The following KDM4C variants were observed in gnomAD, a reference collection of about 807,000 sequenced individuals.
KDM4C encodes lysine demethylase 4C, also known as lysine-specific demethylase 4C.
A neutral mutation model predicts 129.3 loss-of-function variants in KDM4C; 81 were observed. The ratio of observed to expected loss-of-function variants is 0.63; its 90% CI spans 0.52 to 0.75. The LOEUF is 0.75. Among genes scored for constraint, KDM4C ranks in the 30% least tolerant of loss-of-function variants. KDM4C has a pLI of 0.00. For missense variants in KDM4C, 1,457 were observed against 1,304.0 expected, an observed-to-expected ratio of 1.12 and a Z score of -1.81; for synonymous variants, 573 against 456.1, an observed-to-expected ratio of 1.26 and a Z score of -3.26.
chr9:6,780,476 A>G lies in KDM4C; in HGVS notation c.-17-12496A>G, dbSNP rs974811085. ...AAAAACAAACCCACAAAAAAACGAAAGAGAAATTGGCCAGGTGCTGTGGCT... is the reference window on the plus strand; with the variant it reads ...AAAAACAAACCCACAAAAAAACGAAGGAGAAATTGGCCAGGTGCTGTGGCT... On this transcript the variant is annotated intron_variant, in intron 1 of 21. Coordinates refer to ENST00000381309, the MANE Select transcript of KDM4C (RefSeq NM_015061.6). Among the ~76,000 whole-genome samples, 7 of 152,014 alleles carry G rather than the reference A, an allele frequency of 4.6e-5. No individual in the cohort carries two copies. The South Asian group carries it at 1.3e-3, about 27-fold the overall frequency.
chr9:6,935,723 T>C (rs1040260082), intron 8 of KDM4C, among the ~76,000 whole-genome samples: 2 of 152,198 alleles, frequency 1.3e-5, no homozygotes, highest in African/African-American at 2.4e-5. Flanking sequence ...TACTTCAAAA[T>C]AGAGATTACA....
chr9:6,990,892 C>T (rs1197323393), intron 12 of KDM4C, among the ~76,000 whole-genome samples: 3 of 152,140 alleles, frequency 2.0e-5, no homozygotes, highest in Non-Finnish European at 2.9e-5. Flanking sequence ...TTAACTTCAA[C>T]TCTTTACATT....
chr9:6,852,134 G>C (rs1031940097), intron 5 of KDM4C, among the ~76,000 whole-genome samples: 3 of 152,114 alleles, frequency 2.0e-5, no homozygotes, highest in African/African-American at 7.2e-5. Flanking sequence ...TTTTCTAGTA[G>C]ATGTATGAAA....
In KDM4C at chr9:7,092,294, G is replaced by A. The variant is rs552232251; in HGVS notation, c.2425-11391G>A. ...GGGACATGGTAACCTGCATCTTAGT[G>A]GGAGAGCTGGGACTCCTATGCACTC... On this transcript the variant is annotated intron_variant, in intron 17 of 21. Coordinates refer to ENST00000381309, the MANE Select transcript of KDM4C (RefSeq NM_015061.6). 2.9e-3 allele frequency among the ~76,000 whole-genome samples: 436 copies of A among 152,270 alleles called. 3 individuals are homozygous for A. Among genetic ancestry groups the A allele is most frequent in the Middle Eastern group, 0.01 (3 of 294 alleles).
chr9:6,875,054 A>G (rs12553688), intron 5 of KDM4C, among the ~76,000 whole-genome samples: 50,152 of 152,018 alleles, frequency 0.33, 9,387 homozygotes, highest in Non-Finnish European at 0.41. Context: ...GACTGACCCT[A>G]AAGTCAGGAA....
intron 6 of KDM4C, 62 bp from the exon 7 acceptor site, chr9:6,887,898 A>C (rs986530276): frequency 1.0e-6 from 1 of 989,500 alleles, no homozygotes; most frequent in African/African-American, 1.6e-5. Flanking sequence ...CACATTAAAA[A>C]ACCTATTTGA....
intron 10 of KDM4C, among the ~76,000 whole-genome samples, chr9:6,985,001 A>G (rs570754073): frequency 2.6e-5 from 4 of 152,130 alleles, no homozygotes; most frequent in Non-Finnish European, 4.4e-5. Context: ...GTATTGTAAT[A>G]AGCTAATTCC....
intron 2 of KDM4C, among the ~76,000 whole-genome samples, chr9:6,796,035 T>TGA (rs1171941331): frequency 2.0e-5 from 3 of 151,908 alleles, no homozygotes; most frequent in African/African-American, 7.3e-5. Flanking sequence ...TAGGGGTGGG[T>TGA]GAGAGAGAGA....
intron 8 of KDM4C, among the ~76,000 whole-genome samples, chr9:6,917,367 T>A (rs2131153751): frequency 6.6e-6 from 1 of 152,318 alleles, no homozygotes; most frequent in Non-Finnish European, 1.5e-5. Flanking sequence ...TGATCCTACT[T>A]TTCATGGTTG....
chr9:7,117,980 G>C (rs1351803745), intron 18 of KDM4C, among the ~76,000 whole-genome samples: 1 of 152,188 alleles, frequency 6.6e-6, no homozygotes, highest in Non-Finnish European at 1.5e-5. Flanking sequence ...CAGGTGGTAT[G>C]TTCCTGTTGA....
chr9:6,974,324 A>G (rs1390128095), intron 8 of KDM4C, among the ~76,000 whole-genome samples: 4 of 152,200 alleles, frequency 2.6e-5, no homozygotes, highest in Admixed American at 6.5e-5. Context: ...ATATAACGTT[A>G]TATTCAACAA....
At chr9:6,836,873 T>C (rs1181709545) in intron 4 of KDM4C, among the ~76,000 whole-genome samples, 1 of 152,124 alleles carries the variant, frequency 6.6e-6, no homozygotes. Flanking sequence ...TTCTTTTTTT[T>C]TAAAAATAAA....
At chr9:6,946,874 CTTT>C (rs1827070624) in intron 8 of KDM4C, among the ~76,000 whole-genome samples, 1 of 151,132 alleles carries the variant, frequency 6.6e-6, no homozygotes, top group Non-Finnish European at 1.5e-5. Context: ...TTGTTTTTGC[CTTT>C]TTATTATTTA....
chr9:6,730,990 T>G (rs1257121576), intron 1 of KDM4C, among the ~76,000 whole-genome samples: 1 of 152,216 alleles, frequency 6.6e-6, no homozygotes, highest in African/African-American at 2.4e-5. Flanking sequence ...AATACAGAAG[T>G]ACAGAGTCCT....
chr9:6,776,793 C>G (rs570287453), intron 1 of KDM4C, among the ~76,000 whole-genome samples: 1 of 150,792 alleles, frequency 6.6e-6, no homozygotes, highest in East Asian at 2.0e-4. Context: ...TTAGTAGAGA[C>G]AGGGTTTCAC....
At chr9:7,061,203 T>G (rs1831615888) in intron 17 of KDM4C, among the ~76,000 whole-genome samples, 1 of 152,190 alleles carries the variant, frequency 6.6e-6, no homozygotes. Context: ...CATACAGTGG[T>G]TGGATAGGTA....
intron 1 of KDM4C, among the ~76,000 whole-genome samples, chr9:6,774,253 T>TA (rs1352821671): frequency 6.6e-6 from 1 of 152,200 alleles, no homozygotes; most frequent in Non-Finnish European, 1.5e-5. Context: ...CTCTGTTGGG[T>TA]TCACAGTCCT....
At chr9:6,883,942 A>G (rs1466518834) in intron 6 of KDM4C, among the ~76,000 whole-genome samples, 5 of 152,182 alleles carry the variant, frequency 3.3e-5, no homozygotes, top group East Asian at 1.9e-4. Flanking sequence ...CATGCGTGTA[A>G]TGACACACAC....
chr9:6,830,836 C>A (rs1834692052), intron 4 of KDM4C, among the ~76,000 whole-genome samples: 1 of 152,166 alleles, frequency 6.6e-6, no homozygotes, highest in Non-Finnish European at 1.5e-5. Flanking sequence ...TGTGTTAAAT[C>A]TGACATTGCT....
Sources: allele counts gnomAD v4.1 joint callset (sites outside exome capture counted in the v4.1 genomes callset), GRCh38; gene constraint gnomAD v4.1.1; transcripts MANE v1.5; gene names NCBI Gene and HGNC (gene_info 2026-07-23, HGNC 2026-07-21).